ADAM10: variants seen among roughly 807,000 people sequenced by gnomAD.
ADAM10 encodes the protein ADAM metallopeptidase domain 10.
ADAM10 carries 17 observed loss-of-function variants against 90.1 expected under a neutral mutation model. The ratio of observed to expected loss-of-function variants is 0.19; its 90% confidence interval spans 0.13 to 0.28. The LOEUF (loss-of-function observed/expected upper bound fraction) is 0.28. Ranked by LOEUF, ADAM10 falls within the 10% of genes least tolerant of loss-of-function variation. The pLI is 1.00. For synonymous variants in ADAM10, 310 were observed against 298.6 expected (o/e 1.04, Z -0.40); for missense variants, 610 against 914.3 (o/e 0.67, Z 4.29).
chr15:58,659,181 G>T (rs2140719939), intron 5 of ADAM10, among the ~76,000 whole-genome samples: 1 of 152,124 alleles, frequency 6.6e-6, no homozygotes, highest in South Asian at 2.1e-4. Context: ...GCTGAGGCAG[G>T]AGAATCACTT....
intron 5 of ADAM10, among the ~76,000 whole-genome samples, chr15:58,661,922 G>C (rs1896977789): frequency 6.6e-6 from 1 of 151,982 alleles, no homozygotes; most frequent in African/African-American, 2.4e-5. Context: ...AGTTCCATTT[G>C]GTTCTTTATT....
chr15:58,689,944 A>ACACC (rs139077352), intron 2 of ADAM10, among the ~76,000 whole-genome samples: 4 of 75,234 alleles, frequency 5.3e-5, no homozygotes, highest in Non-Finnish European at 1.0e-4. Flanking sequence ...CCAAAGACAG[A>ACACC]CCCCCCCCAA....
At chr15:58,603,411 C>G (rs1595982817) in intron 14 of ADAM10, among the ~76,000 whole-genome samples, 1 of 152,276 alleles carries the variant, frequency 6.6e-6, no homozygotes, top group East Asian at 1.9e-4. Context: ...CATTTCCAAA[C>G]ACCTGCTGGG....
chr15:58,714,434 A>T (rs1363644898), intron 2 of ADAM10, among the ~76,000 whole-genome samples: 2 of 152,094 alleles, frequency 1.3e-5, no homozygotes, highest in Non-Finnish European at 2.9e-5. Context: ...TATTTAATAT[A>T]TTCTATTATG....
At chr15:58,725,248 A>G (rs1898991803) in intron 1 of ADAM10, among the ~76,000 whole-genome samples, 1 of 151,896 alleles carries the variant, frequency 6.6e-6, no homozygotes, top group Non-Finnish European at 1.5e-5. Context: ...AAATAAAAGA[A>G]AATTAGGCAT....
Position 58,701,618 on chromosome 15 carries a change from G to T in ADAM10, c.206+15959C>A, listed in dbSNP as rs577284288. Among the ~76,000 whole-genome samples, 298 of 152,194 alleles carry T rather than the reference G, an allele frequency of 2.0e-3. 1 individual carries two copies. Among genetic ancestry groups the T allele is most frequent in the African/African-American group, 6.7e-3 (278 of 41,522 alleles). On this transcript the variant is annotated intron_variant, in intron 2 of 15. Transcript: ENST00000260408. ...CAAAAATAGAATTACCACATGATCC[G>T]GCAATCCTGCTACTGGGTGTTTATC...
intron 3 of ADAM10, 82 bp from the exon 4 acceptor site, chr15:58,679,364 GTA>G (rs1238812016): frequency 7.5e-6 from 9 of 1,200,798 alleles, no homozygotes; most frequent in Non-Finnish European, 1.1e-5. Flanking sequence ...ATATATGTGT[GTA>G]TATATATACA....
intron 5 of ADAM10, among the ~76,000 whole-genome samples, chr15:58,647,004 GCTTC>G (rs1219441136): frequency 1.1e-4 from 16 of 152,022 alleles, no homozygotes; most frequent in African/African-American, 3.4e-4. Flanking sequence ...CTTGTTAATG[GCTTC>G]CTTCTTTCCT....
chr15:58,655,713 A>ATATATATATATATATATATATAGTG (rs1896803257), intron 5 of ADAM10, among the ~76,000 whole-genome samples: 3 of 54,056 alleles, frequency 5.5e-5, no homozygotes, highest in Non-Finnish European at 8.9e-5. Context: ...TATATATAGT[A>ATATATATATATATATATATATAGTG]TATATATATA....
intron 5 of ADAM10, among the ~76,000 whole-genome samples, chr15:58,655,713 A>ATATAT (rs1566982362): frequency 2.2e-4 from 12 of 54,032 alleles, no homozygotes; most frequent in African/African-American, 1.3e-3. Flanking sequence ...TATATATAGT[A>ATATAT]TATATATATA....
intron 14 of ADAM10, among the ~76,000 whole-genome samples, chr15:58,607,107 G>A (rs1895299354): frequency 6.6e-6 from 1 of 152,166 alleles, no homozygotes; most frequent in Non-Finnish European, 1.5e-5. Context: ...TAGCTTCTGA[G>A]CCATACAGAA....
intron 4 of ADAM10, among the ~76,000 whole-genome samples, chr15:58,678,121 T>C (rs1332626812): frequency 1.3e-5 from 2 of 152,090 alleles, no homozygotes; most frequent in Non-Finnish European, 2.9e-5. Context: ...TGAATGAAAA[T>C]ACAGGGAAGT....
chr15:58,726,152 G>A (rs2140829920), intron 1 of ADAM10, among the ~76,000 whole-genome samples: 1 of 152,206 alleles, frequency 6.6e-6, no homozygotes, highest in South Asian at 2.1e-4. Flanking sequence ...GAAAACAGAG[G>A]AGAAACACAG....
At chr15:58,632,657 G>A (rs759270623) in intron 9 of ADAM10, among the ~76,000 whole-genome samples, 6 of 152,108 alleles carry the variant, frequency 3.9e-5, no homozygotes, top group African/African-American at 7.2e-5. Context: ...CTACTTTTGT[G>A]TATGTTAGAA....
At chr15:58,659,486 T>C (rs1896917468) in intron 5 of ADAM10, among the ~76,000 whole-genome samples, 1 of 152,186 alleles carries the variant, frequency 6.6e-6, no homozygotes, top group Non-Finnish European at 1.5e-5. Context: ...GGTTTCATCC[T>C]TTATTATGTT....
intron 1 of ADAM10, chr15:58,733,103 C>G (rs1223029105): frequency 6.6e-6 from 1 of 152,180 alleles, no homozygotes; most frequent in Non-Finnish European, 1.5e-5. Context: ...CAAGGCCTAA[C>G]CTCATTAGGC....
intron 5 of ADAM10, among the ~76,000 whole-genome samples, chr15:58,656,770 CTTA>C (rs1346124068): frequency 2.0e-5 from 3 of 152,060 alleles, no homozygotes; most frequent in Non-Finnish European, 4.4e-5. Flanking sequence ...ATTCTGTGTA[CTTA>C]TTATTACCAA....
intron 1 of ADAM10, among the ~76,000 whole-genome samples, chr15:58,734,995 T>C (rs1473561549): frequency 2.6e-5 from 4 of 152,206 alleles, no homozygotes; most frequent in Non-Finnish European, 4.4e-5. Flanking sequence ...TGTTCCCACA[T>C]GCAGAGACTG....
intron 1 of ADAM10, among the ~76,000 whole-genome samples, chr15:58,730,748 G>A (rs932009285): frequency 4.2e-4 from 64 of 152,116 alleles, no homozygotes; most frequent in African/African-American, 1.5e-3. Context: ...GTGGAGTGGT[G>A]GGCTGACTGG....
Sources: gnomAD v4.1 joint callset for allele counts (sites outside exome capture counted in the v4.1 genomes callset) on GRCh38, gnomAD v4.1.1 for gene constraint, MANE v1.5 for transcripts, NCBI Gene and HGNC (gene_info 2026-07-23, HGNC 2026-07-21) for gene names.